The following EIF4G3 variants were observed in gnomAD, a reference collection of about 807,000 sequenced individuals.
The protein encoded by EIF4G3 is eukaryotic translation initiation factor 4 gamma 3, also known as eIF-4-gamma 3.
In EIF4G3, 34 loss-of-function variants were observed where a neutral mutation model predicts 186.4. The observed-to-expected ratio is 0.18, with a 90% CI of 0.14 to 0.24. The LOEUF (loss-of-function observed/expected upper bound fraction) is 0.24, where lower values mean the gene tolerates loss of function less well. EIF4G3 is among the 10% of genes least tolerant of loss of function. The probability of loss-of-function intolerance (pLI) is 1.00; values close to 1 mark genes in which losing one functional copy is unlikely to be tolerated. For missense variants in EIF4G3, 1,536 were observed against 1,948.5 expected (o/e 0.79, Z 3.99); for synonymous variants, 673 against 679.5 (o/e 0.99, Z 0.15).
intron 3 of EIF4G3, among the ~76,000 whole-genome samples, chr1:21,067,622 T>C (rs1407205914): frequency 6.6e-6 from 1 of 152,158 alleles, no homozygotes; most frequent in East Asian, 1.9e-4. Flanking sequence ...GTATAAATGC[T>C]TTTTAAGAAA....
intron 3 of EIF4G3, among the ~76,000 whole-genome samples, chr1:21,075,798 T>C (rs1572140879): frequency 6.6e-6 from 1 of 152,008 alleles, no homozygotes; most frequent in East Asian, 1.9e-4. Flanking sequence ...TAAATACATA[T>C]GCACGTAACA....
At chr1:20,917,624 T>C (rs2094028524) in intron 14 of EIF4G3, among the ~76,000 whole-genome samples, 1 of 152,100 alleles carries the variant, frequency 6.6e-6, no homozygotes, top group Admixed American at 6.5e-5. Flanking sequence ...AAGATGAGGG[T>C]AGTAGTGCAG....
At chr1:20,981,507 T>C (rs1327639308) in intron 8 of EIF4G3, among the ~76,000 whole-genome samples, 7 of 82,700 alleles carry the variant, frequency 8.5e-5, no homozygotes, top group Admixed American at 8.3e-4. Context: ...TATACGCACA[T>C]ACTGTATATA....
intron 4 of EIF4G3, among the ~76,000 whole-genome samples, chr1:21,043,444 C>A (rs1332116048): frequency 1.3e-5 from 2 of 152,196 alleles, no homozygotes; most frequent in Non-Finnish European, 2.9e-5. Context: ...TTAACCATCA[C>A]TCTTGCAGCA....
chr1:20,828,135 C>T (rs551141990), intron 31 of EIF4G3, among the ~76,000 whole-genome samples: 3 of 149,240 alleles, frequency 2.0e-5, no homozygotes, highest in Non-Finnish European at 3.0e-5. Flanking sequence ...CTGGTTCAAG[C>T]GATTCTCCTG....
At chr1:21,012,740 T>C (rs115368194) in intron 4 of EIF4G3, among the ~76,000 whole-genome samples, 130 of 152,232 alleles carry the variant, frequency 8.5e-4, no homozygotes, top group African/African-American at 2.9e-3. Context: ...CAGCTCCCAC[T>C]TGGATGGACA....
At position 20,972,995 on chromosome 1, in the gene EIF4G3, CT is replaced by C; in HGVS notation, c.591+6del. 1.9e-6 allele frequency: 3 copies of C among 1,585,630 alleles called. No individual in the cohort carries two copies. The highest frequency in any genetic ancestry group is 2.6e-6 in the Non-Finnish European group (3 of 1,169,762). Reference sequence around the variant, plus strand: ...TAAAATAAGAAAAAGTAATAAAAATCTCTTACAGTTTTTTTCTCTCTCTTGG... The same window carrying C: ...TAAAATAAGAAAAAGTAATAAAAATCCTTACAGTTTTTTTCTCTCTCTTGG... On this transcript the variant is annotated splice_donor_region_variant and intron_variant, in intron 11 of 36. Coordinates refer to ENST00000602326, the MANE Select transcript of EIF4G3 (RefSeq NM_001391906.1).
At chr1:21,055,207 GAATT>G (rs568953858) in intron 3 of EIF4G3, among the ~76,000 whole-genome samples, 3 of 151,930 alleles carry the variant, frequency 2.0e-5, no homozygotes, top group Non-Finnish European at 2.9e-5. Flanking sequence ...CCATGTTTTA[GAATT>G]AATTATTTTG....
At chr1:20,965,570 A>C (rs180951472) in intron 12 of EIF4G3, among the ~76,000 whole-genome samples, 110 of 77,476 alleles carry the variant, frequency 1.4e-3, no homozygotes, top group Non-Finnish European at 2.8e-3. Context: ...TGAATTTCTC[A>C]CCTGAAATAT....
chr1:21,000,954 G>A (rs1348026193), intron 6 of EIF4G3, among the ~76,000 whole-genome samples: 1 of 152,146 alleles, frequency 6.6e-6, no homozygotes, highest in Non-Finnish European at 1.5e-5. Flanking sequence ...CTCACTTCAA[G>A]TTTAAAATAA....
chr1:20,965,796 T>C (rs562823011), intron 12 of EIF4G3, among the ~76,000 whole-genome samples: 128 of 145,858 alleles, frequency 8.8e-4, no homozygotes, highest in African/African-American at 2.8e-3. Context: ...TGAATATTCA[T>C]TGCGCACCAG....
chr1:20,810,681 T>C lies in EIF4G3; in HGVS notation c.4744+57A>G. 1.3e-6 allele frequency: 2 copies of C among 1,577,022 alleles called. No homozygotes were observed. The highest frequency in any genetic ancestry group is 2.7e-5 in the African/African-American group (2 of 74,464). On this transcript the variant is annotated intron_variant, in intron 36 of 36. Transcript: ENST00000602326. This position sits in a 1 kb window ranked among gnomAD's most constrained non-coding sequence, Gnocchi z 4.1. Reference sequence around the variant, plus strand: ...CGAACCCTAAATCATCTCTAAGTCCTGGCTTGGATAAATCTCACTCATTGG... The same window carrying C: ...CGAACCCTAAATCATCTCTAAGTCCCGGCTTGGATAAATCTCACTCATTGG...
chr1:20,875,712 G>C (rs547400091), intron 20 of EIF4G3, among the ~76,000 whole-genome samples: 1 of 152,090 alleles, frequency 6.6e-6, no homozygotes, highest in Admixed American at 6.5e-5. Flanking sequence ...AGGAGTTTAC[G>C]ACCAGTCTGG....
At chr1:20,974,745 G>A (rs2076509611) in intron 10 of EIF4G3, among the ~76,000 whole-genome samples, 1 of 152,146 alleles carries the variant, frequency 6.6e-6, no homozygotes. Context: ...ATCCAGCAGA[G>A]GAAGGGGGGA....
Position 20,807,115 on chromosome 1 carries a change from C to T in EIF4G3, c.*204G>A, listed in dbSNP as rs991525500. On this transcript the variant is annotated 3_prime_UTR_variant, in exon 37 of 37. Transcript: ENST00000602326. ...ATACATGTATTTTGGTTTTAGTGCTCCCGCCCTAAGGTTTGAAGTTTACTT... is the reference window on the plus strand; with the variant it reads ...ATACATGTATTTTGGTTTTAGTGCTTCCGCCCTAAGGTTTGAAGTTTACTT... 1.6e-5 allele frequency: 6 copies of T among 385,862 alleles called. No homozygotes were observed. The highest frequency in any genetic ancestry group is 1.2e-4 in the African/African-American group (6 of 48,138). The allele number at this position is 385,862 out of a possible 1,614,324, so 23.9% of individuals were successfully genotyped here. A position where few individuals can be genotyped will look rare whatever the true frequency, so the allele number is the denominator to read the frequency against.
At chr1:21,054,466 TAAAAA>T (rs532277398) in intron 3 of EIF4G3, among the ~76,000 whole-genome samples, 4 of 120,946 alleles carry the variant, frequency 3.3e-5, no homozygotes, top group Admixed American at 3.3e-4. Context: ...GAATGATCAA[TAAAAA>T]AAAAAAGAAA....
intron 10 of EIF4G3, among the ~76,000 whole-genome samples, chr1:20,974,622 TAAAAG>T (rs755073048): frequency 2.2e-4 from 33 of 152,060 alleles, no homozygotes; most frequent in African/African-American, 6.3e-4. Context: ...AATTTTGCCG[TAAAAG>T]AAAAGCAGAA....
At chr1:21,110,673 C>T (rs2096709292) in intron 2 of EIF4G3, among the ~76,000 whole-genome samples, 1 of 152,120 alleles carries the variant, frequency 6.6e-6, no homozygotes, top group African/African-American at 2.4e-5. Flanking sequence ...TCAGGTGATC[C>T]ACCCACCTCA....
At chr1:20,918,608 T>G (rs905269285) in intron 14 of EIF4G3, among the ~76,000 whole-genome samples, 1 of 152,124 alleles carries the variant, frequency 6.6e-6, no homozygotes, top group Non-Finnish European at 1.5e-5. Context: ...GTAGTCATTA[T>G]GCAAATACTA....
Sources: gnomAD v4.1 joint callset for allele counts (sites outside exome capture counted in the v4.1 genomes callset) on GRCh38, gnomAD v4.1.1 for gene constraint, Gnocchi (gnomAD v3.1) non-coding constraint, MANE v1.5 for transcripts, NCBI Gene and HGNC (gene_info 2026-07-23, HGNC 2026-07-21) for gene names.